SLC51A: variants seen among roughly 807,000 people sequenced by gnomAD.
The protein encoded by SLC51A is solute carrier family 51 member A.
A neutral mutation model predicts 34.8 loss-of-function variants in SLC51A; 22 were observed. The observed-to-expected ratio is 0.63, with a 90% CI of 0.45 to 0.90. SLC51A has a LOEUF of 0.90. Among genes scored for constraint, SLC51A ranks in the 40% least tolerant of loss-of-function variants. SLC51A has a pLI of 0.00. For synonymous variants in SLC51A, 181 were observed against 176.3 expected (o/e 1.03, Z -0.21); for missense variants, 371 against 414.8 (o/e 0.89, Z 0.92).
intron 2 of SLC51A, among the ~76,000 whole-genome samples, chr3:196,225,044 C>A (rs2108755017): frequency 6.7e-6 from 1 of 149,868 alleles, no homozygotes; most frequent in South Asian, 2.1e-4. Flanking sequence ...TTTTTTTCAC[C>A]CAGGCTGGAG....
chr3:196,220,276 G>A (rs1577344084), intron 2 of SLC51A, among the ~76,000 whole-genome samples: 1 of 152,338 alleles, frequency 6.6e-6, no homozygotes, highest in African/African-American at 2.4e-5. Context: ...TAGTAATCAG[G>A]ATGGACTGCA....
In SLC51A at chr3:196,231,170, CA is replaced by C. The variant is rs111754451; in HGVS notation, c.780+1110del. ...TTTTCCCATTTTACAAAGGAAGAAA[CA>C]GACCCAGAGATGTTCTTGCTCAAAG... On this transcript the variant is annotated intron_variant, in intron 7 of 8. Transcript: ENST00000296327. Among the ~76,000 whole-genome samples, 1,020 of 152,286 alleles carry C rather than the reference CA, an allele frequency of 6.7e-3. 18 individuals are homozygous for C. The highest frequency in any genetic ancestry group is 0.022 in the African/African-American group (931 of 41,548).
intron 7 of SLC51A, among the ~76,000 whole-genome samples, chr3:196,230,848 T>G (rs1724016167): frequency 6.6e-6 from 1 of 152,260 alleles, no homozygotes. Flanking sequence ...CATTATGACC[T>G]CATCTTAACT....
intron 7 of SLC51A, 63 bp from the exon 8 acceptor site, chr3:196,232,356 G>A: frequency 9.0e-6 from 12 of 1,333,064 alleles, no homozygotes; most frequent in Non-Finnish European, 1.3e-5. Context: ...GCAGTGGGCT[G>A]GCTGCGTTCT....
chr3:196,230,177 C>T (rs186962679), intron 7 of SLC51A, 116 bp downstream of exon 7: 34 of 1,001,940 alleles, frequency 3.4e-5, no homozygotes, highest in Admixed American at 6.7e-5. Context: ...ATAAGCCTCA[C>T]GTCTCTCATG....
intron 7 of SLC51A, among the ~76,000 whole-genome samples, chr3:196,231,567 T>C (rs1724029634): frequency 6.6e-6 from 1 of 152,084 alleles, no homozygotes; most frequent in African/African-American, 2.4e-5. Context: ...AAAGGGGCTA[T>C]GGGAATAGAG....
Position 196,229,957 on chromosome 3 carries a change from G to T in SLC51A, c.676G>T (p.Gly226Cys). The change falls in exon 7 of 9, where the codon GGC becomes TGC. Residue 226 changes from glycine (G) to cysteine (C), a missense_variant. By Grantham distance (159) the Gly-to-Cys change is radical (BLOSUM62 -3). Coordinates refer to ENST00000296327, the MANE Select transcript of SLC51A (RefSeq NM_152672.6). ...STALWINTFL[G>C]VSTLLALWTL... ...AGCTCTATGGATCAACACTTTCCTT[G>T]GCGTGTCCACACTGCTGGCTCTCTG... 6.2e-7 allele frequency: 1 copy of T among 1,613,248 alleles called. No homozygotes were observed. Among genetic ancestry groups the T allele is most frequent in the Non-Finnish European group, 8.5e-7 (1 of 1,179,604 alleles).
At position 196,232,415 on chromosome 3, in the gene SLC51A, G is replaced by A. The variant is rs1420941557; in HGVS notation, c.781-4G>A. The stretch of plus-strand genomic sequence containing the variant: ...CACCCTTGCCTCTCTTTTATGTTCC[G>A]CAGGTTCTCCTCATCCTGACTGCCC... On this transcript the variant is annotated splice_polypyrimidine_tract_variant and splice_region_variant and intron_variant, in intron 7 of 8. Coordinates refer to ENST00000296327, the MANE Select transcript of SLC51A (RefSeq NM_152672.6). 9 of 1,611,588 alleles carry A rather than the reference G, an allele frequency of 5.6e-6. No homozygotes were observed. Among genetic ancestry groups the A allele is most frequent in the East Asian group, 2.2e-5 (1 of 44,878 alleles).
chr3:196,232,337 C>T (rs1724044711), intron 7 of SLC51A, 82 bp from the exon 8 acceptor site: 1 of 1,082,276 alleles, frequency 9.2e-7, no homozygotes, highest in East Asian at 2.4e-5. Flanking sequence ...AGCGGAAGGG[C>T]AAGGCCCGGC....
Position 196,228,076 on chromosome 3 carries a change from G to A in SLC51A, c.363-39G>A. On this transcript the variant is annotated intron_variant, in intron 4 of 8. Transcript: ENST00000296327. This position sits in a 1 kb window ranked among gnomAD's most constrained non-coding sequence, Gnocchi z 4.9. ...CCTCTCCCTGCTGTCTTTCTCTCTG[G>A]CAGCAGACCTCGTAGGCCCTCTTCT... 6.3e-7 allele frequency: 1 copy of A among 1,589,468 alleles called. No homozygotes were observed. Among genetic ancestry groups the A allele is most frequent in the South Asian group, 1.1e-5 (1 of 87,068 alleles).
intron 2 of SLC51A, 39 bp downstream of exon 2, chr3:196,217,975 G>A (rs1723641011): frequency 6.3e-7 from 1 of 1,576,882 alleles, no homozygotes; most frequent in African/African-American, 1.4e-5. Flanking sequence ...TGAGAGGAGG[G>A]AAACCAGGAT....
intron 2 of SLC51A, among the ~76,000 whole-genome samples, chr3:196,224,577 G>A (rs1402222856): frequency 4.0e-5 from 6 of 151,372 alleles, no homozygotes; most frequent in Non-Finnish European, 8.8e-5. Context: ...TTGGGAGGCT[G>A]AGGCAGGAGA....
intron 6 of SLC51A, among the ~76,000 whole-genome samples, chr3:196,229,378 C>CTTTTTT (rs35341874): frequency 4.6e-5 from 6 of 130,920 alleles, no homozygotes; most frequent in East Asian, 2.4e-4. Flanking sequence ...GATACCATCT[C>CTTTTTT]TTTTTTTTTT....
At position 196,228,005 on chromosome 3, in the gene SLC51A, C is replaced by A; in HGVS notation, c.363-110C>A. 6.9e-7 allele frequency: 1 copy of A among 1,439,678 alleles called. No individual in the cohort carries two copies. Among genetic ancestry groups the A allele is most frequent in the South Asian group, 1.3e-5 (1 of 76,946 alleles). 89.2% of individuals were successfully genotyped at this position (1,439,678 alleles called of 1,614,324 possible). On this transcript the variant is annotated intron_variant, in intron 4 of 8. Transcript: ENST00000296327. This position sits in a 1 kb window ranked among gnomAD's most constrained non-coding sequence, Gnocchi z 4.9. ...CCTCTCCCTCGCCCCTCTTGGGTCACACACCCAGAACGCCCAGCCCTAGCT... is the reference window on the plus strand; with the variant it reads ...CCTCTCCCTCGCCCCTCTTGGGTCAAACACCCAGAACGCCCAGCCCTAGCT...
Position 196,216,607 on chromosome 3 carries a change from C to T in SLC51A, c.-106C>T, listed in dbSNP as rs1282093178. The T allele has an allele frequency of 3.4e-6, 4 of 1,164,080 alleles. No homozygotes were observed. The highest frequency in any genetic ancestry group is 5.0e-6 in the Non-Finnish European group (4 of 801,008). The allele number at this position is 1,164,080 out of a possible 1,614,324, so 72.1% of individuals were successfully genotyped here. On this transcript the variant is annotated 5_prime_UTR_variant, in exon 1 of 9. Transcript: ENST00000296327. The surrounding 1 kb of genome is among the most constrained non-coding windows in gnomAD (Gnocchi z 4.5). Reference sequence around the variant, plus strand: ...GGAAGACTCTGCAATTCTGCTTGCCCCCCACCCCGGCCCAGGCAAGCCACC... The same window carrying T: ...GGAAGACTCTGCAATTCTGCTTGCCTCCCACCCCGGCCCAGGCAAGCCACC...
At chr3:196,219,109 C>G (rs2108752600) in intron 2 of SLC51A, among the ~76,000 whole-genome samples, 1 of 152,208 alleles carries the variant, frequency 6.6e-6, no homozygotes, top group South Asian at 2.1e-4. Flanking sequence ...ACCTGTAATC[C>G]CAGCTACTCG....
chr3:196,232,542 C>G lies in SLC51A; in HGVS notation c.886+18C>G. Reference sequence around the variant, plus strand: ...GTCTCAAGGTGAGCACGTTAAGCCTCCTGTCCCATCGTGGGATGGATGAGA... The same window carrying G: ...GTCTCAAGGTGAGCACGTTAAGCCTGCTGTCCCATCGTGGGATGGATGAGA... On this transcript the variant is annotated intron_variant, in intron 8 of 8. Transcript: ENST00000296327. The G allele has an allele frequency of 6.3e-7, 1 of 1,591,600 alleles. No individual in the cohort carries two copies. Among genetic ancestry groups the G allele is most frequent in the South Asian group, 1.1e-5 (1 of 90,618 alleles).
intron 6 of SLC51A, among the ~76,000 whole-genome samples, chr3:196,229,141 G>T (rs553997251): frequency 1.3e-5 from 2 of 152,306 alleles, no homozygotes; most frequent in South Asian, 4.1e-4. Flanking sequence ...CTCAAAGGAA[G>T]CACCAGGTGC....
intron 7 of SLC51A, 27 bp from the exon 8 acceptor site, chr3:196,232,392 C>A (rs1203834736): frequency 5.7e-6 from 9 of 1,586,382 alleles, no homozygotes; most frequent in Non-Finnish European, 7.8e-6. Context: ...GCCCAGTCCA[C>A]CCTTGCCTCT....
Sources: allele counts gnomAD v4.1 joint callset (sites outside exome capture counted in the v4.1 genomes callset), GRCh38; gene constraint gnomAD v4.1.1; non-coding constraint Gnocchi (gnomAD v3.1); transcripts MANE v1.5; gene names NCBI Gene and HGNC (gene_info 2026-07-23, HGNC 2026-07-21).